TMEM266: variants seen among roughly 807,000 people sequenced by gnomAD.
TMEM266 encodes Hv1 related protein 1.
In TMEM266, 33 loss-of-function variants were observed where a neutral mutation model predicts 50.5. The ratio of observed to expected loss-of-function variants is 0.65; its 90% CI spans 0.50 to 0.87. The LOEUF (loss-of-function observed/expected upper bound fraction) is 0.87, where lower values mean the gene tolerates loss of function less well. TMEM266 is among the 40% of genes least tolerant of loss of function. The pLI, the probability that TMEM266 is intolerant of heterozygous loss-of-function variation, is 0.00. For missense variants in TMEM266, 655 were observed against 695.1 expected, an observed-to-expected ratio of 0.94 and a Z score of 0.65; for synonymous variants, 310 against 292.3, an observed-to-expected ratio of 1.06 and a Z score of -0.62.
At chr15:76,138,485 T>G (rs144280264) in intron 3 of TMEM266, among the ~76,000 whole-genome samples, 16 of 152,290 alleles carry the variant, frequency 1.1e-4, no homozygotes, top group African/African-American at 3.6e-4. Flanking sequence ...ATCCCCTCTA[T>G]GTACACTTGG....
At chr15:76,065,597 A>G (rs2036398639) in intron 1 of TMEM266, among the ~76,000 whole-genome samples, 1 of 152,164 alleles carries the variant, frequency 6.6e-6, no homozygotes. Context: ...CACTTGCTAG[A>G]GTAGCTTTGA....
chr15:76,079,214 G>A (rs564773851), intron 1 of TMEM266, among the ~76,000 whole-genome samples: 4 of 151,066 alleles, frequency 2.6e-5, no homozygotes, highest in South Asian at 2.1e-4. Context: ...TTAGCCAGGC[G>A]TGGTGGCACA....
intron 8 of TMEM266, among the ~76,000 whole-genome samples, chr15:76,183,695 G>C (rs983645852): frequency 6.6e-6 from 1 of 152,130 alleles, no homozygotes; most frequent in Non-Finnish European, 1.5e-5. Flanking sequence ...CCCTTTCCCC[G>C]GTTCCACCAC....
intron 1 of TMEM266, among the ~76,000 whole-genome samples, chr15:76,084,706 T>G (rs2036748162): frequency 6.6e-6 from 1 of 151,582 alleles, no homozygotes. Context: ...GTTCAAGCAA[T>G]TCTTCTGCCT....
chr15:76,134,438 C>A, intron 2 of TMEM266, 137 bp downstream of exon 2: 2 of 814,078 alleles, frequency 2.5e-6, no homozygotes, highest in South Asian at 2.2e-5. Context: ...AGAAACCTTT[C>A]AAAAGCAAGA....
chr15:76,166,032 G>A (rs537136254), intron 5 of TMEM266, among the ~76,000 whole-genome samples: 20 of 152,194 alleles, frequency 1.3e-4, no homozygotes, highest in Admixed American at 2.6e-4. Flanking sequence ...TGCGTTTCAC[G>A]TAAACCCCCC....
chr15:76,093,085 C>T (rs151130161), intron 1 of TMEM266, among the ~76,000 whole-genome samples: 128 of 151,768 alleles, frequency 8.4e-4, no homozygotes, highest in Admixed American at 4.3e-3. Context: ...GGATTACAGG[C>T]GTAAACCACC....
chr15:76,156,471 A>T, intron 3 of TMEM266, 133 bp from the exon 4 acceptor site: 6 of 875,988 alleles, frequency 6.8e-6, no homozygotes, highest in Admixed American at 2.5e-5. Flanking sequence ...GTGTTTCGCC[A>T]TGAAGCCTAG....
chr15:76,111,103 G>A (rs1266463007), intron 1 of TMEM266, among the ~76,000 whole-genome samples: 1 of 146,438 alleles, frequency 6.8e-6, no homozygotes, highest in African/African-American at 2.5e-5. Flanking sequence ...TTTTTGAGAT[G>A]GAGTTTCGCT....
intron 1 of TMEM266, among the ~76,000 whole-genome samples, chr15:76,128,042 A>G (rs962432538): frequency 6.6e-6 from 1 of 152,226 alleles, no homozygotes; most frequent in Non-Finnish European, 1.5e-5. Context: ...GAATGGCTGC[A>G]TGTCAGAAAC....
At position 76,171,333 on chromosome 15, in the gene TMEM266, G is replaced by A. The variant is rs1448748317; in HGVS notation, c.652+202G>A. 6.6e-5 allele frequency among the ~76,000 whole-genome samples: 10 copies of A among 152,228 alleles called. 1 individual carries two copies. The highest frequency in any genetic ancestry group is 1.9e-4 in the East Asian group (1 of 5,192). On this transcript the variant is annotated intron_variant, in intron 7 of 10. Transcript: ENST00000388942. Reference sequence around the variant, plus strand: ...CACTGCCAGGGTGTCACACGTACACGCTGAGCTTCCCACTTCCCATTTAGG... The same window carrying A: ...CACTGCCAGGGTGTCACACGTACACACTGAGCTTCCCACTTCCCATTTAGG...
At chr15:76,191,901 G>C (rs1258413930) in intron 8 of TMEM266, 67 bp from the exon 9 acceptor site, 19 of 1,425,358 alleles carry the variant, frequency 1.3e-5, no homozygotes, top group Non-Finnish European at 1.7e-5. Context: ...AAAGCGCCCA[G>C]AGGTCAGGCT....
intron 4 of TMEM266, 95 bp from the exon 5 acceptor site, chr15:76,160,000 G>A (rs571679069): frequency 4.6e-5 from 56 of 1,218,180 alleles, no homozygotes; most frequent in African/African-American, 1.7e-4. Flanking sequence ...GGCGGGCCCC[G>A]GGGTCCCAGA....
intron 3 of TMEM266, among the ~76,000 whole-genome samples, chr15:76,149,200 G>C (rs187961188): frequency 1.2e-4 from 19 of 152,308 alleles, no homozygotes; most frequent in Admixed American, 4.6e-4. Flanking sequence ...TTGGGTTGAT[G>C]GTTCTCACAG....
Position 76,171,005 on chromosome 15 carries a change from G to A in TMEM266, c.526G>A (p.Ala176Thr), listed in dbSNP as rs1308649639. The A allele has an allele frequency of 6.2e-7, 1 of 1,612,622 alleles. No individual in the cohort carries two copies. The highest frequency in any genetic ancestry group is 8.5e-7 in the Non-Finnish European group (1 of 1,179,526). ...CCTCCTCTCACAGGTGTTTGACGGG[G>A]CTGTGATCATCCTATCTTTGGCTCC... is the stretch of plus-strand genomic sequence containing the variant. Residue 176 changes from alanine (A) to threonine (T), a missense_variant, in exon 7 of 11, where the codon GCT becomes ACT. Around this residue, in one of 3 missense-constraint regions of TMEM266, gnomAD observed 101 missense variants for 182.6 expected, o/e 0.55. Coordinates refer to ENST00000388942, the MANE Select transcript of TMEM266 (RefSeq NM_152335.3).
intron 4 of TMEM266, among the ~76,000 whole-genome samples, chr15:76,157,848 C>T (rs977967459): frequency 6.6e-6 from 1 of 152,004 alleles, no homozygotes; most frequent in African/African-American, 2.4e-5. Flanking sequence ...ATTTCCCTGG[C>T]ATAGTGGCAC....
intron 7 of TMEM266, among the ~76,000 whole-genome samples, chr15:76,171,942 G>T (rs1004365347): frequency 3.3e-5 from 5 of 152,186 alleles, no homozygotes; most frequent in African/African-American, 1.2e-4. Context: ...TGACCCAGAG[G>T]ATGACGACAG....
chr15:76,102,825 T>G (rs1596105416), intron 1 of TMEM266, among the ~76,000 whole-genome samples: 4 of 121,000 alleles, frequency 3.3e-5, no homozygotes, highest in East Asian at 2.3e-4. Flanking sequence ...GGCAACAGAG[T>G]GAGACCCTTA....
chr15:76,094,743 C>T (rs2036898845), intron 1 of TMEM266, among the ~76,000 whole-genome samples: 1 of 152,114 alleles, frequency 6.6e-6, no homozygotes, highest in African/African-American at 2.4e-5. Flanking sequence ...TCTTCCTATC[C>T]ATGAGCATGG....
Sources: allele counts gnomAD v4.1 joint callset (sites outside exome capture counted in the v4.1 genomes callset), GRCh38; gene constraint gnomAD v4.1.1; regional missense constraint gnomAD v4.1.1; transcripts MANE v1.5; gene names NCBI Gene and HGNC (gene_info 2026-07-23, HGNC 2026-07-21).